The following NECTIN3 variants were observed in gnomAD, a reference collection of about 807,000 sequenced individuals.
NECTIN3 encodes nectin-3.
A neutral mutation model predicts 49.4 loss-of-function variants in NECTIN3; 8 were observed. The ratio of observed to expected loss-of-function variants is 0.16; its 90% CI spans 0.10 to 0.29. The LOEUF (loss-of-function observed/expected upper bound fraction) is 0.29. Among genes scored for constraint, NECTIN3 ranks in the 10% least tolerant of loss-of-function variants. NECTIN3 has a pLI of 1.00. For synonymous variants in NECTIN3, 277 were observed against 241.1 expected (o/e 1.15, Z -1.38); for missense variants, 581 against 654.6 (o/e 0.89, Z 1.23).
intron 3 of NECTIN3, among the ~76,000 whole-genome samples, chr3:111,121,202 A>G (rs1490252065): frequency 2.1e-5 from 3 of 142,072 alleles, no homozygotes; most frequent in Non-Finnish European, 4.6e-5. Context: ...TTTAGTAGAG[A>G]TGGGGTTTCA....
chr3:111,171,993 A>G (rs2035442311), intron 7 of NECTIN3, among the ~76,000 whole-genome samples: 2 of 152,236 alleles, frequency 1.3e-5, no homozygotes, highest in South Asian at 4.1e-4. Context: ...TGCAGATTCA[A>G]CTAAAATGAT....
At position 111,077,075 on chromosome 3, in the gene NECTIN3, T is replaced by C. The variant is rs181292318; in HGVS notation, c.160+4898T>C. ...AATGTAACTTATCAATTACAAATTT[T>C]AATGAGGTCTGCCTCCTATGAGTCT... is the stretch of plus-strand genomic sequence containing the variant. On this transcript the variant is annotated intron_variant, in intron 1 of 5. Transcript: ENST00000485303. 372 of 172,362 alleles carry C rather than the reference T, an allele frequency of 2.2e-3. 1 individual carries two copies. The highest frequency in any genetic ancestry group is 8.3e-3 in the African/African-American group (349 of 42,080). The allele number at this position is 172,362 out of a possible 1,614,324, so 10.7% of individuals were successfully genotyped here.
At chr3:111,094,507 A>T (rs904264003) in intron 1 of NECTIN3, among the ~76,000 whole-genome samples, 2 of 152,166 alleles carry the variant, frequency 1.3e-5, no homozygotes, top group African/African-American at 4.8e-5. Context: ...CTACCCTCAG[A>T]TTCAGTAATT....
At chr3:111,115,214 C>T (rs1012301154) in intron 2 of NECTIN3, among the ~76,000 whole-genome samples, 1 of 152,126 alleles carries the variant, frequency 6.6e-6, no homozygotes, top group Non-Finnish European at 1.5e-5. Flanking sequence ...GGGGAATCAC[C>T]CCCTGTTGAG....
chr3:111,141,289 G>A (rs910788561), downstream of NECTIN3, among the ~76,000 whole-genome samples: 1 of 151,806 alleles, frequency 6.6e-6, no homozygotes, highest in African/African-American at 2.4e-5. Context: ...AATCAAAGGT[G>A]GGAAGATAAC....
At chr3:111,162,505 C>A (rs1218449933) in intron 7 of NECTIN3, among the ~76,000 whole-genome samples, 2 of 152,170 alleles carry the variant, frequency 1.3e-5, no homozygotes, top group African/African-American at 2.4e-5. Flanking sequence ...CTCGAGACCT[C>A]ACCAGCCATG....
chr3:111,135,254 G>GA lies in NECTIN3; in HGVS notation c.*1045dup. ...AAACTTGGAACTTTGGATATAACTA[G>GA]AAAAAACTAGATTATAGAATTAGTC... On this transcript the variant is annotated 3_prime_UTR_variant, in exon 6 of 6. Coordinates refer to ENST00000485303, the MANE Select transcript of NECTIN3 (RefSeq NM_015480.3). The GA allele has an allele frequency of 1.0e-6, 1 of 968,870 alleles. No individual in the cohort carries two copies. Among genetic ancestry groups the GA allele is most frequent in the Non-Finnish European group, 1.2e-6 (1 of 815,262 alleles). The allele number at this position is 968,870 out of a possible 1,614,324, so 60.0% of individuals were successfully genotyped here.
chr3:111,112,463 A>C, intron 2 of NECTIN3, 92 bp downstream of exon 2: 1 of 834,686 alleles, frequency 1.2e-6, no homozygotes. Flanking sequence ...AATTTGATTT[A>C]ACTTTAGGTT....
At chr3:111,096,722 T>C (rs533695097) in intron 1 of NECTIN3, among the ~76,000 whole-genome samples, 1 of 152,084 alleles carries the variant, frequency 6.6e-6, no homozygotes, top group African/African-American at 2.4e-5. Context: ...CTTCAGAAGG[T>C]GGAAGCCCCA....
chr3:111,175,953 A>G (rs1006596317), intron 7 of NECTIN3, among the ~76,000 whole-genome samples: 1 of 152,122 alleles, frequency 6.6e-6, no homozygotes, highest in Non-Finnish European at 1.5e-5. Context: ...ACATTTAGTT[A>G]TTTGTTACAG....
intron 1 of NECTIN3, 42 bp from the exon 2 acceptor site, chr3:111,111,988 T>A: frequency 6.9e-7 from 1 of 1,439,086 alleles, no homozygotes; most frequent in Non-Finnish European, 9.5e-7. Flanking sequence ...TTGACCACTT[T>A]TTTCTATTTT....
At chr3:111,073,305 G>A (rs887824593) in intron 1 of NECTIN3, 1 of 152,206 alleles carries the variant, frequency 6.6e-6, no homozygotes, top group African/African-American at 2.4e-5. Flanking sequence ...CACATTTCTT[G>A]AATAGTGTGA....
intron 3 of NECTIN3, among the ~76,000 whole-genome samples, chr3:111,121,918 G>A (rs997335823): frequency 6.6e-6 from 1 of 152,024 alleles, no homozygotes; most frequent in Non-Finnish European, 1.5e-5. Context: ...TGCCTGTTTG[G>A]GGGGTACTCA....
chr3:111,136,283 A>G lies in NECTIN3; in HGVS notation c.*2068A>G. 4.1e-6 allele frequency: 4 copies of G among 970,294 alleles called. No individual in the cohort carries two copies. The highest frequency in any genetic ancestry group is 1.1e-4 in the East Asian group (1 of 8,752). The allele number at this position is 970,294 out of a possible 1,614,324, so 60.1% of individuals were successfully genotyped here. A position where few individuals can be genotyped will look rare whatever the true frequency, so the allele number is the denominator to read the frequency against. ...GGAAATTAGCAGTGTATTTTAAGAAATATATTTCAAAAATATAAATACTGA... is the reference window on the plus strand; with the variant it reads ...GGAAATTAGCAGTGTATTTTAAGAAGTATATTTCAAAAATATAAATACTGA... On this transcript the variant is annotated 3_prime_UTR_variant, in exon 6 of 6. Transcript: ENST00000485303.
At chr3:111,189,507 C>T (rs1320026900), upstream of NECTIN3, among the ~76,000 whole-genome samples, 1 of 152,144 alleles carries the variant, frequency 6.6e-6, no homozygotes, top group African/African-American at 2.4e-5. Context: ...GAAATTCACA[C>T]CCACCCCCTT....
intron 7 of NECTIN3, among the ~76,000 whole-genome samples, chr3:111,154,046 T>C (rs1457657631): frequency 6.6e-6 from 1 of 152,178 alleles, no homozygotes; most frequent in Admixed American, 6.5e-5. Flanking sequence ...AAATTTGATA[T>C]GTTTTACATG....
intron 1 of NECTIN3, 29 bp downstream of exon 1, chr3:111,072,206 C>T (rs2030808565): frequency 2.6e-6 from 4 of 1,526,450 alleles, no homozygotes; most frequent in South Asian, 1.2e-5. Context: ...CCGGCGTGGG[C>T]TGAGGGAGCC....
At chr3:111,141,141 G>T (rs1161517267), downstream of NECTIN3, among the ~76,000 whole-genome samples, 2 of 151,872 alleles carry the variant, frequency 1.3e-5, no homozygotes, top group East Asian at 3.9e-4. Context: ...AAAAAGTAGT[G>T]AGACATAAAT....
intron 1 of NECTIN3, among the ~76,000 whole-genome samples, chr3:111,080,585 C>G (rs1037967007): frequency 6.6e-6 from 1 of 151,668 alleles, no homozygotes; most frequent in African/African-American, 2.4e-5. Flanking sequence ...TTTTCCCTGA[C>G]CTGTGTATGA....
Sources: gnomAD v4.1 joint callset for allele counts (sites outside exome capture counted in the v4.1 genomes callset) on GRCh38, gnomAD v4.1.1 for gene constraint, MANE v1.5 for transcripts, NCBI Gene and HGNC (gene_info 2026-07-23, HGNC 2026-07-21) for gene names.